The following ABCA12 variants were observed in gnomAD, a reference collection of about 807,000 sequenced individuals.
ABCA12 encodes ATP binding cassette subfamily A member 12, also known as glucosylceramide transporter ABCA12.
A neutral mutation model predicts 293.5 loss-of-function variants in ABCA12; 156 were observed. That is an observed-to-expected ratio of 0.53 (90% CI 0.47 to 0.61). The LOEUF is 0.61. ABCA12 is among the 20% of genes least tolerant of loss of function. The probability of loss-of-function intolerance (pLI) is 0.00; values close to 1 mark genes in which losing one functional copy is unlikely to be tolerated. For missense variants in ABCA12, 2,797 were observed against 3,090.2 expected, an observed-to-expected ratio of 0.91 and a Z score of 2.25; for synonymous variants, 1,063 against 1,108.0, an observed-to-expected ratio of 0.96 and a Z score of 0.81.
intron 1 of ABCA12, among the ~76,000 whole-genome samples, chr2:215,134,629 A>G (rs1486094696): frequency 8.1e-6 from 1 of 123,454 alleles, no homozygotes; most frequent in Non-Finnish European, 1.6e-5. Flanking sequence ...AGAGAGAGAG[A>G]GAGAGAGAGA....
chr2:215,010,614 T>A (rs1237816836), intron 17 of ABCA12, 144 bp from the exon 18 acceptor site: 1 of 974,956 alleles, frequency 1.0e-6, no homozygotes, highest in Admixed American at 2.1e-5. Context: ...GTGAGGCATC[T>A]GGTGTCAAAG....
chr2:214,955,553 C>T (rs926706407), intron 42 of ABCA12, among the ~76,000 whole-genome samples, 192 bp from the exon 43 acceptor site: 2 of 152,092 alleles, frequency 1.3e-5, no homozygotes, highest in East Asian at 1.9e-4. Flanking sequence ...TGCGGTGGCA[C>T]GCACCTGTAG....
Position 215,138,129 on chromosome 2 carries a change from T to C in ABCA12, c.69+11A>G. ...CCATGACCCATACTCCCACACTTTT[T>C]TTTAACTCACCGGCTGCCTTTTTAC... On this transcript the variant is annotated intron_variant, in intron 1 of 52. Transcript: ENST00000272895. The C allele has an allele frequency of 1.2e-6, 2 of 1,614,062 alleles. No homozygotes were observed. Among genetic ancestry groups the C allele is most frequent in the Non-Finnish European group, 1.7e-6 (2 of 1,179,916 alleles).
chr2:214,942,789 A>G, intron 50 of ABCA12, 136 bp downstream of exon 50: 1 of 707,640 alleles, frequency 1.4e-6, no homozygotes, highest in Non-Finnish European at 2.5e-6. Flanking sequence ...AAGGTGAGTC[A>G]GTGACTAGCT....
chr2:215,073,270 G>C (rs1431599923), intron 2 of ABCA12, among the ~76,000 whole-genome samples: 1 of 152,016 alleles, frequency 6.6e-6, no homozygotes, highest in Non-Finnish European at 1.5e-5. Context: ...AAATCTCCCT[G>C]CTATGGCCAT....
chr2:215,064,186 C>A lies in ABCA12; in HGVS notation c.197G>T (p.Gly66Val). The A allele has an allele frequency of 6.2e-7, 1 of 1,612,638 alleles. No homozygotes were observed. The highest frequency in any genetic ancestry group is 8.5e-7 in the Non-Finnish European group (1 of 1,179,132). The change falls in exon 3 of 53, where the codon GGA becomes GTA. Residue 66 changes from glycine (G) to valine (V), a missense_variant. By Grantham distance (109) the Gly-to-Val change is moderately radical. Coordinates refer to ENST00000272895, the MANE Select transcript of ABCA12 (RefSeq NM_173076.3). ...YLAPRNLPSTGFFPFLQTLLC... is the reference protein window; with the variant it reads ...YLAPRNLPSTVFFPFLQTLLC... ...TAGGGTCTGCAGGAATGGAAAGAAT[C>A]CAGTACTAGGAAGGTTTCGAGGTGC...
At chr2:215,070,930 C>T (rs774693380) in intron 2 of ABCA12, among the ~76,000 whole-genome samples, 4 of 152,072 alleles carry the variant, frequency 2.6e-5, no homozygotes, top group Non-Finnish European at 5.9e-5. Context: ...CCTATACTCT[C>T]GCACTTTGGG....
chr2:215,107,376 G>A (rs1040978602), intron 2 of ABCA12, among the ~76,000 whole-genome samples: 1 of 152,208 alleles, frequency 6.6e-6, no homozygotes, highest in African/African-American at 2.4e-5. Flanking sequence ...ACAAGCTGCT[G>A]CATGTGGAGA....
intron 39 of ABCA12, chr2:214,963,018 C>G (rs1699155820): frequency 6.6e-6 from 1 of 151,740 alleles, no homozygotes; most frequent in Non-Finnish European, 1.5e-5. Flanking sequence ...ACTTAGAGAA[C>G]CAAGAGCAAA....
At chr2:215,068,775 A>T (rs1701682540) in intron 2 of ABCA12, among the ~76,000 whole-genome samples, 1 of 152,020 alleles carries the variant, frequency 6.6e-6, no homozygotes, top group Admixed American at 6.6e-5. Context: ...GCAGCCAAGA[A>T]TGCAGTTGTC....
At chr2:215,106,154 A>G (rs557229344) in intron 2 of ABCA12, among the ~76,000 whole-genome samples, 3 of 152,286 alleles carry the variant, frequency 2.0e-5, no homozygotes, top group Admixed American at 1.3e-4. Context: ...GACTTTCACA[A>G]CCCTCATCAG....
At chr2:215,042,394 G>A (rs968803279) in intron 7 of ABCA12, 4 of 151,906 alleles carry the variant, frequency 2.6e-5, no homozygotes, top group African/African-American at 9.7e-5. Context: ...GCACTACCAT[G>A]CCCAGCTACT....
At chr2:215,106,250 A>C (rs1172960375) in intron 2 of ABCA12, among the ~76,000 whole-genome samples, 1 of 152,144 alleles carries the variant, frequency 6.6e-6, no homozygotes, top group Admixed American at 6.5e-5. Context: ...AACAACTTGC[A>C]TGGATCCCAC....
chr2:214,978,271 T>C (rs1317512298), intron 33 of ABCA12, 45 bp downstream of exon 33: 1 of 1,609,014 alleles, frequency 6.2e-7, no homozygotes, highest in African/African-American at 1.3e-5. Context: ...TTCTCATTTA[T>C]GTCATCCATT....
intron 2 of ABCA12, among the ~76,000 whole-genome samples, chr2:215,090,350 C>A (rs979120852): frequency 6.6e-6 from 1 of 152,142 alleles, no homozygotes; most frequent in Admixed American, 6.5e-5. Context: ...TTTGGGAGAC[C>A]AGTCCCCTGT....
intron 3 of ABCA12, among the ~76,000 whole-genome samples, chr2:215,059,395 C>T (rs1393121736): frequency 6.6e-6 from 1 of 152,042 alleles, no homozygotes; most frequent in Non-Finnish European, 1.5e-5. Context: ...ATTCATATTT[C>T]ATCCTGACCC....
chr2:214,944,824 C>T (rs1473966125), intron 49 of ABCA12, among the ~76,000 whole-genome samples, 177 bp downstream of exon 49: 1 of 151,304 alleles, frequency 6.6e-6, no homozygotes, highest in Non-Finnish European at 1.5e-5. Context: ...TGTGGGCATT[C>T]GTTGTCTATA....
At chr2:214,938,666 G>A (rs912887404) in intron 50 of ABCA12, among the ~76,000 whole-genome samples, 48 of 152,256 alleles carry the variant, frequency 3.2e-4, no homozygotes, top group Non-Finnish European at 6.0e-4. Flanking sequence ...TCTAACTGGC[G>A]TGAGATGGTA....
intron 1 of ABCA12, among the ~76,000 whole-genome samples, chr2:215,134,483 TAC>T (rs1252849723): frequency 6.8e-6 from 1 of 146,822 alleles, no homozygotes; most frequent in Non-Finnish European, 1.5e-5. Flanking sequence ...TGTGTATATA[TAC>T]GTATATATGC....
Sources: allele counts gnomAD v4.1 joint callset (sites outside exome capture counted in the v4.1 genomes callset), GRCh38; gene constraint gnomAD v4.1.1; transcripts MANE v1.5; gene names NCBI Gene and HGNC (gene_info 2026-07-23, HGNC 2026-07-21).